The following MUC5B variants were observed in gnomAD, a reference collection of about 807,000 sequenced individuals.
The protein encoded by MUC5B is mucin-5B.
Under a neutral mutation model 376.9 loss-of-function variants are expected in MUC5B, and 116 were observed. That is an observed-to-expected ratio of 0.31 (90% CI 0.26 to 0.36). The LOEUF is 0.36. Ranked by LOEUF, MUC5B falls within the 10% of genes least tolerant of loss-of-function variation. The probability of loss-of-function intolerance (pLI) is 1.00; values close to 1 mark genes in which losing one functional copy is unlikely to be tolerated. For synonymous variants in MUC5B, 3,517 were observed against 3,390.9 expected (o/e 1.04, Z -1.29); for missense variants, 7,165 against 7,769.9 (o/e 0.92, Z 2.93).
In MUC5B at chr11:1,230,283, G is replaced by T. The variant is rs1037406915; in HGVS notation, c.1359+140G>T. On this transcript the variant is annotated intron_variant, in intron 11 of 48. Transcript: ENST00000529681. Reference sequence around the variant, plus strand: ...GGGGGAGCCCTGGGTCCCCATGATGGTCATAGAGGGATGGCTCTCCCTGCT... The same window carrying T: ...GGGGGAGCCCTGGGTCCCCATGATGTTCATAGAGGGATGGCTCTCCCTGCT... The T allele has an allele frequency of 2.2e-5, 29 of 1,303,334 alleles. No individual in the cohort carries two copies. The African/African-American group carries it at 3.3e-4, about 15-fold the overall frequency. The allele number at this position is 1,303,334 out of a possible 1,614,324, so 80.7% of individuals were successfully genotyped here. A position where few individuals can be genotyped will look rare whatever the true frequency, so the allele number is the denominator to read the frequency against.
rs368350198 is a variant in MUC5B at position 1,254,714 on chromosome 11, G to T, written c.15498G>T (p.Pro5166=). ...CCCAGATCCTGTTTGACCAAATTCCGGTGAGCAGCGGTTTCAGCAAGAACG... is the reference window on the plus strand; with the variant it reads ...CCCAGATCCTGTTTGACCAAATTCCTGTGAGCAGCGGTTTCAGCAAGAACG... ...EEGLILFDQI[P]VSSGFSKNGV... Residue 5166 remains proline, a synonymous_variant, in exon 35 of 49, where the codon CCG becomes CCT. Transcript: ENST00000529681. 1.2e-6 allele frequency: 2 copies of T among 1,612,672 alleles called. No homozygotes were observed. Among genetic ancestry groups the T allele is most frequent in the Non-Finnish European group, 1.7e-6 (2 of 1,179,666 alleles).
At chr11:1,229,627 G>A (rs1216028246) in intron 9 of MUC5B, 63 bp from the exon 10 acceptor site, 3 of 1,392,648 alleles carry the variant, frequency 2.2e-6, no homozygotes, top group South Asian at 1.2e-5. Context: ...CCCAAGGCCG[G>A]TGTCTTCTGA....
At chr11:1,225,457 A>G (rs1861857728) in intron 1 of MUC5B, among the ~76,000 whole-genome samples, 1 of 152,196 alleles carries the variant, frequency 6.6e-6, no homozygotes, top group Non-Finnish European at 1.5e-5. Flanking sequence ...ATTGAGCAGG[A>G]GCGGAGGCAT....
rs764458007 is a variant in MUC5B at position 1,241,314 on chromosome 11, G to A, written c.4434G>A (p.Ala1478=). ...TGACCCCGAGCATCCGGTCGACGGC[G>A]GCCCTCACCTCGCAGACTGGGTCCA... ...LWVTPSIRST[A]ALTSQTGSSS... is the part of the protein sequence containing the mutation. Residue 1478 remains alanine (A), a synonymous_variant, in exon 31 of 49, where the codon GCG becomes GCA. Transcript: ENST00000529681. 2.5e-6 allele frequency: 4 copies of A among 1,606,758 alleles called. No individual in the cohort carries two copies. Among genetic ancestry groups the A allele is most frequent in the East Asian group, 2.2e-5 (1 of 44,550 alleles).
chr11:1,256,740 C>A lies in MUC5B; in HGVS notation c.16206C>A (p.Asn5402Lys). Reference protein sequence around the residue: ...CFCPEDQILFNAHMGICVQAC... With the variant: ...CFCPEDQILFKAHMGICVQAC... ...GCCCTGAGGACCAGATCCTCTTCAA[C>A]GCACACATGGGCATCTGCGTGCAGG... The change falls in exon 39 of 49, where the codon AAC becomes AAA. Residue 5402 changes from asparagine to lysine, a missense_variant. Coordinates refer to ENST00000529681, the MANE Select transcript of MUC5B (RefSeq NM_002458.3). The A allele has an allele frequency of 6.4e-7, 1 of 1,552,130 alleles. No individual in the cohort carries two copies. Among genetic ancestry groups the A allele is most frequent in the Non-Finnish European group, 8.7e-7 (1 of 1,150,532 alleles).
Position 1,234,740 on chromosome 11 carries a change from GGTGGGGAGGCA to G in MUC5B, c.2630+62_2630+72del, listed in dbSNP as rs1862117060. 1 of 886,664 alleles carries G rather than the reference GGTGGGGAGGCA, an allele frequency of 1.1e-6. No homozygotes were observed. Among genetic ancestry groups the G allele is most frequent in the Non-Finnish European group, 1.6e-6 (1 of 607,018 alleles). The allele number at this position is 886,664 out of a possible 1,614,324, so 54.9% of individuals were successfully genotyped here. The stretch of plus-strand genomic sequence containing the variant: ...GAGGGCGGGGGCGGGGAGGGCAGCG[GGTGGGGAGGCA>G]GCGGGCAGGGAGGGCAGGGGGCGGG... On this transcript the variant is annotated intron_variant, in intron 21 of 48. Coordinates refer to ENST00000529681, the MANE Select transcript of MUC5B (RefSeq NM_002458.3). This position sits in a 1 kb window ranked among gnomAD's most constrained non-coding sequence, Gnocchi z 6.3.
rs2672798 is a variant in MUC5B, at chr11:1,240,278, C to G, written c.3873C>G (p.Ser1291Arg). The change falls in exon 30 of 49, where the codon AGC becomes AGG. Residue 1291 changes from serine to arginine, a missense_variant. Physicochemically the swap from Ser to Arg is moderately radical, Grantham distance 110. This residue lies in a region of MUC5B where 517 missense variants were observed against 545.3 expected (regional missense o/e 0.95). Transcript: ENST00000529681. Reference sequence around the variant, plus strand: ...CCTGCTTGATCGCCATCTGCGGAAGCAACGGCACCATCATCAGGAAGGCTG... The same window carrying G: ...CCTGCTTGATCGCCATCTGCGGAAGGAACGGCACCATCATCAGGAAGGCTG... Reference protein sequence around the residue: ...LGACLIAICGSNGTIIRKAVA... With the variant: ...LGACLIAICGRNGTIIRKAVA... The G allele has an allele frequency of 6.2e-7, 1 of 1,613,732 alleles. No homozygotes were observed. Among genetic ancestry groups the G allele is most frequent in the Non-Finnish European group, 8.5e-7 (1 of 1,179,708 alleles).
At position 1,242,358 on chromosome 11, in the gene MUC5B, G is replaced by C. The variant is rs749492579; in HGVS notation, c.5478G>C (p.Lys1826Asn). ...GGGGCAAGATGTGCTGGGCACCAAA[G>C]AGCATAGAGTGCCGGGCGGAGAACT... ...AAGGKMCWAP[K>N]SIECRAENYP... Residue 1826 changes from lysine (K) to asparagine (N), a missense_variant, in exon 31 of 49, where the codon AAG becomes AAC. Coordinates refer to ENST00000529681, the MANE Select transcript of MUC5B (RefSeq NM_002458.3). The C allele has an allele frequency of 8.7e-6, 14 of 1,613,756 alleles. No individual in the cohort carries two copies. Among genetic ancestry groups the C allele is most frequent in the Middle Eastern group, 1.6e-4 (1 of 6,082 alleles).
Position 1,241,816 on chromosome 11 carries a change from A to G in MUC5B, c.4936A>G (p.Ser1646Gly). The G allele has an allele frequency of 6.2e-7, 1 of 1,612,938 alleles. No homozygotes were observed. Among genetic ancestry groups the G allele is most frequent in the East Asian group, 2.2e-5 (1 of 44,828 alleles). ...SPGLTRAPPASTTAVPTLSEG... is the reference protein window; with the variant it reads ...SPGLTRAPPAGTTAVPTLSEG... ...GGGGCTGACCAGGGCTCCCCCGGCC[A>G]GCACCACAGCAGTCCCCACCCTCTC... Residue 1646 changes from serine (S) to glycine (G), a missense_variant, in exon 31 of 49, where the codon AGC becomes GGC. By Grantham distance (56) the Ser-to-Gly change is moderately conservative (BLOSUM62 0). Transcript: ENST00000529681.
At position 1,242,744 on chromosome 11, in the gene MUC5B, C is replaced by T. The variant is rs752591498; in HGVS notation, c.5864C>T (p.Pro1955Leu). Reference sequence around the variant, plus strand: ...ACAGTCACCAGCTCCAAAGCCACTCCCTCCTCCAGTCCAGGGACTGCAACC... The same window carrying T: ...ACAGTCACCAGCTCCAAAGCCACTCTCTCCTCCAGTCCAGGGACTGCAACC... ...TPTVTSSKAT[P>L]SSSPGTATAL... is the part of the protein sequence containing the mutation. The change falls in exon 31 of 49, where the codon CCC (proline) becomes CTC (leucine). Residue 1955 changes from proline to leucine, a missense_variant. Around this residue, in one of 31 missense-constraint regions of MUC5B, gnomAD observed 897 missense variants for 779.6 expected, o/e 1.15. Transcript: ENST00000529681. 2.7e-5 allele frequency: 43 copies of T among 1,613,408 alleles called. No individual in the cohort carries two copies. Among genetic ancestry groups the T allele is most frequent in the Non-Finnish European group, 3.4e-5 (40 of 1,179,614 alleles).
In MUC5B at chr11:1,253,902, G is replaced by A. The variant is rs1292069498; in HGVS notation, c.15218-190G>A. ...GCAAAGCCACATGCGGAGGTTCTGG[G>A]ATAGCCATAGATTTTGGGGGACCCC... On this transcript the variant is annotated intron_variant, in intron 33 of 48. Transcript: ENST00000529681. This position sits in a 1 kb window ranked among gnomAD's most constrained non-coding sequence, Gnocchi z 4.3. 6.6e-6 allele frequency among the ~76,000 whole-genome samples: 1 copy of A among 152,214 alleles called. No individual in the cohort carries two copies. The highest frequency in any genetic ancestry group is 1.5e-5 in the Non-Finnish European group (1 of 68,038).
rs751674759 is a variant in MUC5B at position 1,253,065 on chromosome 11, G to A, written c.15217+85G>A. The A allele has an allele frequency of 3.4e-6, 5 of 1,471,070 alleles. No homozygotes were observed. The highest frequency in any genetic ancestry group is 3.7e-6 in the Non-Finnish European group (4 of 1,075,546). The allele number at this position is 1,471,070 out of a possible 1,614,324, so 91.1% of individuals were successfully genotyped here. ...GGCTAGGCTGGCAGAATGGGGCATG[G>A]TGGGGCACAGTGGGGTGCAGTGGGG... On this transcript the variant is annotated intron_variant, in intron 33 of 48. Coordinates refer to ENST00000529681, the MANE Select transcript of MUC5B (RefSeq NM_002458.3). This position sits in a 1 kb window ranked among gnomAD's most constrained non-coding sequence, Gnocchi z 4.3.
At chr11:1,240,142 G>A (rs780122452) in intron 29 of MUC5B, 36 bp from the exon 30 acceptor site, 9 of 1,571,792 alleles carry the variant, frequency 5.7e-6, no homozygotes, top group Admixed American at 1.8e-5. Flanking sequence ...CCAGGGGCTC[G>A]GAGGCCCTGG....
At chr11:1,239,624 G>C (rs532161102) in intron 27 of MUC5B, 58 bp downstream of exon 27, 6 of 1,522,374 alleles carry the variant, frequency 3.9e-6, no homozygotes, top group African/African-American at 2.8e-5. Flanking sequence ...GAGTGTACGT[G>C]GGGGGGCGGG....
intron 1 of MUC5B, among the ~76,000 whole-genome samples, chr11:1,224,791 C>T (rs996913323): frequency 6.6e-6 from 1 of 152,140 alleles, no homozygotes; most frequent in Non-Finnish European, 1.5e-5. Flanking sequence ...CTGGAAAAGC[C>T]AGGCAGGGCC....
In MUC5B at chr11:1,251,206, T is replaced by C. The variant is rs756208414; in HGVS notation, c.14326T>C (p.Ser4776Pro). The change falls in exon 31 of 49, where the codon TCC (serine) becomes CCC (proline). Residue 4776 changes from serine to proline, a missense_variant. Transcript: ENST00000529681. ...GACCACCACACCCATGTCCACCATG[T>C]CCACAATCCACACCTCCTCTACTCC... The part of the protein sequence containing the change: ...AQTTTPMSTM[S>P]TIHTSSTPET... The C allele has an allele frequency of 1.2e-6, 2 of 1,610,842 alleles. No individual in the cohort carries two copies. The highest frequency in any genetic ancestry group is 2.2e-5 in the South Asian group (2 of 91,014).
Position 1,257,159 on chromosome 11 carries a change from C to T in MUC5B, c.16238-81C>T, listed in dbSNP as rs941339350. ...TCCCGGGGGGAAGCAGGCTCCAGGC[C>T]TGAGAGCACCTCCCATGGCCAGAGG... On this transcript the variant is annotated intron_variant, in intron 39 of 48. Coordinates refer to ENST00000529681, the MANE Select transcript of MUC5B (RefSeq NM_002458.3). This position sits in a 1 kb window ranked among gnomAD's most constrained non-coding sequence, Gnocchi z 8.9. The T allele has an allele frequency of 2.6e-6, 2 of 776,310 alleles. No homozygotes were observed. Among genetic ancestry groups the T allele is most frequent in the Non-Finnish European group, 4.8e-6 (2 of 416,352 alleles). 48.1% of individuals were successfully genotyped at this position (776,310 alleles called of 1,614,324 possible). A position where few individuals can be genotyped will look rare whatever the true frequency, so the allele number is the denominator to read the frequency against.
rs1862819153 is a variant in MUC5B, at chr11:1,255,569, G to T, written c.16066+11G>T. 1 of 1,507,396 alleles carries T rather than the reference G, an allele frequency of 6.6e-7. No homozygotes were observed. 93.4% of individuals were successfully genotyped at this position (1,507,396 alleles called of 1,614,324 possible). ...CCGGTGGCCTGTGCGGTGAGTGGGG[G>T]CGGCCCCGGGCCCCCCAGACCCCTC... On this transcript the variant is annotated intron_variant, in intron 37 of 48. Transcript: ENST00000529681.
intron 7 of MUC5B, 43 bp from the exon 8 acceptor site, chr11:1,228,521 A>G (rs1199317635): frequency 4.1e-6 from 6 of 1,472,466 alleles, no homozygotes; most frequent in Non-Finnish European, 4.5e-6. Flanking sequence ...GGCAGCCCCC[A>G]TGGATGGCAG....
Sources: allele counts gnomAD v4.1 joint callset (sites outside exome capture counted in the v4.1 genomes callset), GRCh38; gene constraint gnomAD v4.1.1; regional missense constraint gnomAD v4.1.1; non-coding constraint Gnocchi (gnomAD v3.1); transcripts MANE v1.5; gene names NCBI Gene and HGNC (gene_info 2026-07-23, HGNC 2026-07-21).